The following JHY variants were observed in gnomAD, a reference collection of about 807,000 sequenced individuals.
JHY encodes the protein jhy protein homolog.
In JHY, 69 loss-of-function variants were observed where a neutral mutation model predicts 78.0. The observed-to-expected ratio is 0.88, with a 90% CI of 0.73 to 1.08. JHY has a LOEUF of 1.08. Ranked by LOEUF, JHY falls within the 50% of genes least tolerant of loss-of-function variation. JHY has a pLI of 0.00. For synonymous variants in JHY, 368 were observed against 342.6 expected, an observed-to-expected ratio of 1.07 and a Z score of -0.82; for missense variants, 944 against 927.8, an observed-to-expected ratio of 1.02 and a Z score of -0.23.
intron 5 of JHY, among the ~76,000 whole-genome samples, chr11:122,939,545 G>GTTGA (rs1309629674): frequency 2.0e-5 from 3 of 152,040 alleles, no homozygotes; most frequent in Non-Finnish European, 4.4e-5. Flanking sequence ...ATCTTCGTGG[G>GTTGA]TTGATGTCTT....
At chr11:122,901,997 G>A (rs1328986977) in intron 2 of JHY, among the ~76,000 whole-genome samples, 14 of 151,990 alleles carry the variant, frequency 9.2e-5, no homozygotes, top group Non-Finnish European at 1.3e-4. Context: ...CGTCCATACC[G>A]TGTCTCACTG....
Position 122,955,906 on chromosome 11 carries a change from A to G in JHY, c.1930-590A>G, listed in dbSNP as rs1314683271. ...CACTGTGTTTATCTGGTGCATTTAG[A>G]TACCTTCTTCCAGGGAAGTCATTTG... On this transcript the variant is annotated intron_variant, in intron 6 of 8. Transcript: ENST00000227349. Among the ~76,000 whole-genome samples the G allele has an allele frequency of 2.0e-5, 3 of 152,194 alleles. No homozygotes were observed. In the East Asian group the frequency reaches 5.8e-4, roughly 29 times the overall value.
At chr11:122,941,890 TAGAC>T (rs1014769650) in intron 5 of JHY, among the ~76,000 whole-genome samples, 2 of 152,054 alleles carry the variant, frequency 1.3e-5, no homozygotes, top group Non-Finnish European at 2.9e-5. Flanking sequence ...TATTTATTTT[TAGAC>T]AGAGTCTTGC....
At chr11:122,927,337 T>C (rs1200547921) in intron 4 of JHY, among the ~76,000 whole-genome samples, 1 of 152,194 alleles carries the variant, frequency 6.6e-6, no homozygotes, top group Non-Finnish European at 1.5e-5. Flanking sequence ...TTATAACCCA[T>C]TCCTGAATGA....
chr11:122,926,913 T>G (rs1431904940), intron 4 of JHY: 1 of 152,374 alleles, frequency 6.6e-6, no homozygotes, highest in African/African-American at 2.4e-5. Flanking sequence ...TTCTAGTTAT[T>G]TAAATTATTA....
At chr11:122,951,145 A>G (rs988733360) in intron 6 of JHY, among the ~76,000 whole-genome samples, 9 of 152,166 alleles carry the variant, frequency 5.9e-5, no homozygotes, top group African/African-American at 2.2e-4. Flanking sequence ...ATCGCCCTGA[A>G]TCACATTAAA....
chr11:122,921,691 T>C (rs766915375), intron 3 of JHY, among the ~76,000 whole-genome samples: 39 of 152,248 alleles, frequency 2.6e-4, no homozygotes, highest in Non-Finnish European at 4.9e-4. Context: ...GGGACTGAGA[T>C]AGAAAATATG....
chr11:122,947,991 C>G (rs1202523664), intron 6 of JHY, among the ~76,000 whole-genome samples: 4 of 152,132 alleles, frequency 2.6e-5, no homozygotes, highest in Admixed American at 2.6e-4. Flanking sequence ...CTCCACGTGG[C>G]TGAGGCAGTG....
At chr11:122,949,929 C>T (rs779763813) in intron 6 of JHY, among the ~76,000 whole-genome samples, 47 of 151,978 alleles carry the variant, frequency 3.1e-4, no homozygotes, top group Middle Eastern at 3.4e-3. Context: ...CTCCATCTCC[C>T]GAGTTCAAGT....
intron 3 of JHY, among the ~76,000 whole-genome samples, chr11:122,909,652 G>A (rs1863072339): frequency 6.6e-6 from 1 of 152,116 alleles, no homozygotes. Flanking sequence ...GGTGGTGTGT[G>A]CCTGTAATCC....
intron 4 of JHY, 63 bp from the exon 5 acceptor site, chr11:122,934,349 TAAATAATA>T (rs2135354824): frequency 2.7e-6 from 2 of 742,156 alleles, no homozygotes; most frequent in East Asian, 7.5e-5. Flanking sequence ...AATAAATAAA[TAAATAATA>T]AAATAAAATT....
At chr11:122,937,025 A>C (rs1459791297) in intron 5 of JHY, among the ~76,000 whole-genome samples, 1 of 152,172 alleles carries the variant, frequency 6.6e-6, no homozygotes, top group African/African-American at 2.4e-5. Flanking sequence ...GTTTGTGAGC[A>C]GATTTTAAAC....
intron 4 of JHY, among the ~76,000 whole-genome samples, chr11:122,926,216 A>AG (rs1356433329): frequency 2.2e-5 from 2 of 89,198 alleles, no homozygotes; most frequent in African/African-American, 6.2e-5. Flanking sequence ...AGAAAAAAGA[A>AG]AAAGAAAAAG....
intron 6 of JHY, among the ~76,000 whole-genome samples, chr11:122,948,442 TTAA>T (rs10527069): frequency 0.05 from 7,117 of 143,386 alleles, 284 homozygotes; most frequent in African/African-American, 0.11. Flanking sequence ...AAACTTTGTC[TTAA>T]TAATAATAAT....
At chr11:122,914,494 G>T (rs1863195613) in intron 3 of JHY, among the ~76,000 whole-genome samples, 1 of 152,054 alleles carries the variant, frequency 6.6e-6, no homozygotes, top group Non-Finnish European at 1.5e-5. Context: ...GCCCAGGCTG[G>T]AGTGCAGTGA....
At chr11:122,889,013 G>GTATAAA (rs1203896964) in intron 2 of JHY, among the ~76,000 whole-genome samples, 1 of 152,162 alleles carries the variant, frequency 6.6e-6, no homozygotes, top group Non-Finnish European at 1.5e-5. Context: ...TTTCCTTAGG[G>GTATAAA]TATAAATCTC....
In JHY at chr11:122,959,374, G is replaced by A. The variant is rs1008320483; in HGVS notation, c.2266G>A (p.Glu756Lys). 1.2e-6 allele frequency: 2 copies of A among 1,614,010 alleles called. No homozygotes were observed. The highest frequency in any genetic ancestry group is 1.3e-5 in the African/African-American group (1 of 74,914). Reference sequence around the variant, plus strand: ...AAGTTTACCTGAAATCTCACTGCTGGAAATACTGCAGAACAGACACGAAAG... The same window carrying A: ...AAGTTTACCTGAAATCTCACTGCTGAAAATACTGCAGAACAGACACGAAAG... Reference protein sequence around the residue: ...EESLPEISLLEILQNRHEREK... With the variant: ...EESLPEISLLKILQNRHEREK... The change falls in exon 9 of 9, where the codon GAA becomes AAA. Residue 756 changes from glutamate (E) to lysine (K), a missense_variant. Glu to Lys is a moderately conservative substitution (Grantham distance 56, BLOSUM62 1). Coordinates refer to ENST00000227349, the MANE Select transcript of JHY (RefSeq NM_024806.4).
intron 2 of JHY, among the ~76,000 whole-genome samples, chr11:122,894,001 A>G (rs1862681343): frequency 6.6e-6 from 1 of 151,248 alleles, no homozygotes; most frequent in African/African-American, 2.4e-5. Context: ...TTACAATTTT[A>G]ATGCTGCTAA....
intron 2 of JHY, among the ~76,000 whole-genome samples, chr11:122,892,470 G>T (rs377113120): frequency 6.6e-6 from 1 of 151,868 alleles, no homozygotes; most frequent in Non-Finnish European, 1.5e-5. Context: ...CTACAGGCGC[G>T]TGCCACCATG....
Sources: gnomAD v4.1 joint callset for allele counts (sites outside exome capture counted in the v4.1 genomes callset) on GRCh38, gnomAD v4.1.1 for gene constraint, MANE v1.5 for transcripts, NCBI Gene and HGNC (gene_info 2026-07-23, HGNC 2026-07-21) for gene names.